SEC14L5: variants seen among roughly 807,000 people sequenced by gnomAD.
The protein encoded by SEC14L5 is SEC14-like protein 5.
Under a neutral mutation model 84.6 loss-of-function variants are expected in SEC14L5, and 96 were observed. That is an observed-to-expected ratio of 1.13 (90% CI 0.96 to 1.34). SEC14L5 has a LOEUF of 1.34. Among genes scored for constraint, SEC14L5 ranks in the 40% most tolerant of loss-of-function variants. The pLI is 0.00. For missense variants in SEC14L5, 1,224 were observed against 942.5 expected (o/e 1.30, Z -3.91); for synonymous variants, 546 against 383.4 (o/e 1.42, Z -4.95).
At chr16:4,990,133 A>G (rs1207243869) in intron 4 of SEC14L5, among the ~76,000 whole-genome samples, 1 of 151,476 alleles carries the variant, frequency 6.6e-6, no homozygotes, top group Non-Finnish European at 1.5e-5. Flanking sequence ...TATAGATTAT[A>G]TAAATGATAC....
At chr16:4,966,456 G>A (rs572923122) in intron 2 of SEC14L5, among the ~76,000 whole-genome samples, 2 of 151,362 alleles carry the variant, frequency 1.3e-5, no homozygotes, top group African/African-American at 4.9e-5. Flanking sequence ...TGTATTTTTA[G>A]TAGAGACAGG....
chr16:4,981,574 G>T (rs1381449315), intron 2 of SEC14L5, among the ~76,000 whole-genome samples: 1 of 152,122 alleles, frequency 6.6e-6, no homozygotes, highest in African/African-American at 2.4e-5. Context: ...GAGAAGATGT[G>T]ACCGCTTGGC....
At chr16:4,994,928 G>A (rs1038941925) in intron 6 of SEC14L5, among the ~76,000 whole-genome samples, 2 of 152,106 alleles carry the variant, frequency 1.3e-5, no homozygotes, top group African/African-American at 2.4e-5. Flanking sequence ...GCCCGGGGCC[G>A]GAAGGATGCT....
intron 2 of SEC14L5, among the ~76,000 whole-genome samples, chr16:4,970,719 G>A (rs1402715672): frequency 2.6e-5 from 4 of 152,154 alleles, no homozygotes; most frequent in Non-Finnish European, 5.9e-5. Flanking sequence ...TCCCAGTGCC[G>A]GAGAGGCCAG....
Position 5,015,114 on chromosome 16 carries a change from G to T in SEC14L5, c.*144G>T. On this transcript the variant is annotated 3_prime_UTR_variant, in exon 16 of 16. Coordinates refer to ENST00000251170, the MANE Select transcript of SEC14L5 (RefSeq NM_014692.2). Reference sequence around the variant, plus strand: ...TGCCCAAGTTGGGGTGTCTGGAGCGGATGGCAAGGATCCAGAACTGGCCTG... The same window carrying T: ...TGCCCAAGTTGGGGTGTCTGGAGCGTATGGCAAGGATCCAGAACTGGCCTG... 1.6e-6 allele frequency: 1 copy of T among 641,280 alleles called. No individual in the cohort carries two copies. The highest frequency in any genetic ancestry group is 2.7e-6 in the Non-Finnish European group (1 of 371,496). 39.7% of individuals were successfully genotyped at this position (641,280 alleles called of 1,614,324 possible). A position where few individuals can be genotyped will look rare whatever the true frequency, so the allele number is the denominator to read the frequency against.
At chr16:4,979,918 C>T (rs1276878063) in intron 2 of SEC14L5, among the ~76,000 whole-genome samples, 1 of 152,216 alleles carries the variant, frequency 6.6e-6, no homozygotes, top group African/African-American at 2.4e-5. Context: ...CTCCAGGTCC[C>T]CTGCTTTGCG....
rs896125103 is a variant in SEC14L5 at position 5,008,581 on chromosome 16, G to A, written c.1733G>A (p.Trp578Ter). ...RASGQLIDKGWVLGRDYSRVE... is the reference protein window; with the variant it reads ...RASGQLIDKG ...AGCGGGCAGCTGATCGACAAAGGCT[G>A]GGTCCTGGGCAGGGATTACAGCCGT... The change falls in exon 14 of 16, where the codon TGG (tryptophan) becomes TAG (stop). Residue 578 changes from tryptophan to a stop codon, truncating the protein, a stop_gained. Transcript: ENST00000251170. LOFTEE classifies it high-confidence loss of function. 16 of 1,607,726 alleles carry A rather than the reference G, an allele frequency of 1.0e-5. No individual in the cohort carries two copies. The highest frequency in any genetic ancestry group is 1.4e-5 in the Non-Finnish European group (16 of 1,178,036).
Position 5,006,018 on chromosome 16 carries a change from G to T in SEC14L5, c.1407G>T (p.Val469=). Residue 469 remains valine (V), a synonymous_variant, in exon 12 of 16, where the codon GTG becomes GTT. Transcript: ENST00000251170. ...TTGTGGACTATCTGGATAGAGAAGT[G>T]ATCCCTGACTTCCTTGGGGGAGAGA... ...GGLVDYLDRE[V]IPDFLGGESV... The T allele has an allele frequency of 6.2e-7, 1 of 1,613,922 alleles. No individual in the cohort carries two copies. The highest frequency in any genetic ancestry group is 1.1e-5 in the South Asian group (1 of 91,074).
chr16:4,996,101 G>T (rs1448151777), intron 6 of SEC14L5, among the ~76,000 whole-genome samples: 1 of 152,106 alleles, frequency 6.6e-6, no homozygotes, highest in Non-Finnish European at 1.5e-5. Context: ...GGTCAAAGAG[G>T]AGAAATCCCA....
chr16:4,970,275 T>C (rs976747133), intron 2 of SEC14L5, among the ~76,000 whole-genome samples: 2 of 152,064 alleles, frequency 1.3e-5, no homozygotes, highest in Admixed American at 1.3e-4. Context: ...AGGAGGGTCA[T>C]TTGAGCCAGC....
chr16:4,980,432 C>G (rs528522945), intron 2 of SEC14L5, among the ~76,000 whole-genome samples: 4 of 152,310 alleles, frequency 2.6e-5, no homozygotes, highest in African/African-American at 7.2e-5. Flanking sequence ...CCGGGCCTTT[C>G]TAACAAGAGG....
chr16:4,961,933 A>T (rs1174312556), intron 2 of SEC14L5, among the ~76,000 whole-genome samples: 1 of 152,124 alleles, frequency 6.6e-6, no homozygotes, highest in East Asian at 1.9e-4. Context: ...ATTTATGTTT[A>T]TCGACCACTT....
chr16:5,011,881 G>T (rs1423033681), intron 15 of SEC14L5, among the ~76,000 whole-genome samples: 1 of 152,196 alleles, frequency 6.6e-6, no homozygotes, highest in Non-Finnish European at 1.5e-5. Flanking sequence ...CAGCAGAAAT[G>T]AAGGAGAAGG....
At chr16:4,987,814 C>A in intron 3 of SEC14L5, 108 bp downstream of exon 3, 1 of 840,034 alleles carries the variant, frequency 1.2e-6, no homozygotes, top group Non-Finnish European at 1.8e-6. Flanking sequence ...GGAGGTGGAG[C>A]AGGGGCGTGT....
rs368478445 is a variant in SEC14L5, at chr16:5,005,952, C to T, written c.1341C>T (p.Phe447=). The T allele has an allele frequency of 4.3e-6, 7 of 1,610,702 alleles. No homozygotes were observed. The African/African-American group carries it at 9.4e-5, about 22-fold the overall frequency. ...TCAATGAGAACACCAGGCGGAAGTT[C>T]CTCATCTACAGTGGCAGCAACTACC... The part of the protein sequence containing the change: ...PFINENTRRK[F]LIYSGSNYQG... The change falls in exon 12 of 16, where the codon TTC becomes TTT. Residue 447 remains phenylalanine (F), a synonymous_variant. Coordinates refer to ENST00000251170, the MANE Select transcript of SEC14L5 (RefSeq NM_014692.2).
rs752986332 is a variant in SEC14L5 at position 5,003,550 on chromosome 16, G to A, written c.1279G>A (p.Val427Ile). 2.0e-6 allele frequency: 3 copies of A among 1,487,656 alleles called. No individual in the cohort carries two copies. The highest frequency in any genetic ancestry group is 3.9e-5 in the Admixed American group (2 of 51,886). 92.2% of individuals were successfully genotyped at this position (1,487,656 alleles called of 1,614,324 possible). A position where few individuals can be genotyped will look rare whatever the true frequency, so the allele number is the denominator to read the frequency against. The change falls in exon 11 of 16, where the codon GTC (valine) becomes ATC (isoleucine). Residue 427 changes from valine to isoleucine, a missense_variant. Coordinates refer to ENST00000251170, the MANE Select transcript of SEC14L5 (RefSeq NM_014692.2). ...GCTGCTCATCGTGCGAGCCCCCCGA[G>A]TCTTCCCCGTGCTCTGGACACTGGT... ...GRLLIVRAPR[V>I]FPVLWTLISP...
chr16:5,003,863 C>T (rs977791790), intron 11 of SEC14L5, among the ~76,000 whole-genome samples: 8 of 152,228 alleles, frequency 5.3e-5, no homozygotes, highest in Admixed American at 1.3e-4. Context: ...TGGGCTCAAG[C>T]GGTCCTCTTG....
chr16:5,009,376 T>C (rs183818237), intron 14 of SEC14L5, among the ~76,000 whole-genome samples: 54 of 152,250 alleles, frequency 3.5e-4, no homozygotes, highest in African/African-American at 1.3e-3. Context: ...GGACTGGGAA[T>C]GTAGTGATAT....
chr16:4,968,591 T>C (rs1955235446), intron 2 of SEC14L5, among the ~76,000 whole-genome samples: 2 of 152,246 alleles, frequency 1.3e-5, no homozygotes, highest in Admixed American at 6.5e-5. Flanking sequence ...CCCAAAGTGC[T>C]GGGATCACAG....
Sources: gnomAD v4.1 joint callset for allele counts (sites outside exome capture counted in the v4.1 genomes callset) on GRCh38, gnomAD v4.1.1 for gene constraint, MANE v1.5 for transcripts, NCBI Gene and HGNC (gene_info 2026-07-23, HGNC 2026-07-21) for gene names.